RANBP10: variants seen among roughly 807,000 people sequenced by gnomAD.
RANBP10 encodes the protein RAN binding protein 10.
A neutral mutation model predicts 72.8 loss-of-function variants in RANBP10; 24 were observed. The ratio of observed to expected loss-of-function variants is 0.33; its 90% confidence interval spans 0.24 to 0.46. RANBP10 has a LOEUF of 0.46. Among genes scored for constraint, RANBP10 ranks in the 20% least tolerant of loss-of-function variants. The pLI is 1.00. For missense variants in RANBP10, 679 were observed against 817.5 expected, an observed-to-expected ratio of 0.83 and a Z score of 2.07; for synonymous variants, 310 against 322.3, an observed-to-expected ratio of 0.96 and a Z score of 0.41.
At chr16:67,728,978 G>T (rs1271391383) in intron 10 of RANBP10, among the ~76,000 whole-genome samples, 1 of 152,268 alleles carries the variant, frequency 6.6e-6, no homozygotes, top group Non-Finnish European at 1.5e-5. Context: ...GCCAGGGAAA[G>T]CTCCCTCATG....
At chr16:67,754,234 G>A (rs947180278) in intron 3 of RANBP10, among the ~76,000 whole-genome samples, 14 of 152,110 alleles carry the variant, frequency 9.2e-5, no homozygotes, top group African/African-American at 2.7e-4. Flanking sequence ...AGTAGCCAGC[G>A]GCTGAACAAG....
At chr16:67,753,205 TAA>T (rs869120981) in intron 3 of RANBP10, among the ~76,000 whole-genome samples, 19 of 123,612 alleles carry the variant, frequency 1.5e-4, no homozygotes, top group Admixed American at 1.7e-4. Context: ...AATCTCATCT[TAA>T]AAAAAAAAAA....
At chr16:67,737,383 T>C (rs1053111447) in intron 5 of RANBP10, among the ~76,000 whole-genome samples, 2 of 151,806 alleles carry the variant, frequency 1.3e-5, no homozygotes, top group Non-Finnish European at 2.9e-5. Flanking sequence ...TTTGTATTTT[T>C]AGTAGAGACA....
chr16:67,766,981 G>A (rs1272874819), intron 3 of RANBP10, among the ~76,000 whole-genome samples: 1 of 152,204 alleles, frequency 6.6e-6, no homozygotes, highest in Non-Finnish European at 1.5e-5. Flanking sequence ...TGAGGAGTTG[G>A]CAGGCAGAGT....
chr16:67,791,773 A>AAAATGATCCTTG (rs1234872376), intron 2 of RANBP10, among the ~76,000 whole-genome samples: 2 of 152,226 alleles, frequency 1.3e-5, no homozygotes, highest in African/African-American at 4.8e-5. Flanking sequence ...CCTCAGTTAC[A>AAAATGATCCTTG]AAATGATCCT....
chr16:67,748,919 C>A (rs2054143110), intron 3 of RANBP10, among the ~76,000 whole-genome samples: 1 of 152,140 alleles, frequency 6.6e-6, no homozygotes, highest in South Asian at 2.1e-4. Context: ...CTCCTTGGGG[C>A]CTAAGCAGCA....
At position 67,729,547 on chromosome 16, in the gene RANBP10, A is replaced by G; in HGVS notation, c.1148-63T>C. 7.0e-6 allele frequency: 11 copies of G among 1,572,716 alleles called. No homozygotes were observed. Among genetic ancestry groups the G allele is most frequent in the African/African-American group, 1.4e-5 (1 of 73,990 alleles). Reference sequence around the variant, plus strand: ...CTTCCCATGAAATGAAGCCCCAAGAACAACCACAGTGGTCCCATTTCCCTT... The same window carrying G: ...CTTCCCATGAAATGAAGCCCCAAGAGCAACCACAGTGGTCCCATTTCCCTT... On this transcript the variant is annotated intron_variant, in intron 9 of 13. Transcript: ENST00000317506. This position sits in a 1 kb window ranked among gnomAD's most constrained non-coding sequence, Gnocchi z 7.1.
At chr16:67,805,647 G>T in intron 1 of RANBP10, 108 bp from the exon 2 acceptor site, 1 of 874,108 alleles carries the variant, frequency 1.1e-6, no homozygotes, top group Non-Finnish European at 1.8e-6. Flanking sequence ...GTGGCCAGAG[G>T]ACGCACTTAC....
chr16:67,782,397 GATTACAAGTGT>G (rs2054829505), intron 2 of RANBP10, among the ~76,000 whole-genome samples: 1 of 151,966 alleles, frequency 6.6e-6, no homozygotes, highest in Admixed American at 6.6e-5. Flanking sequence ...AAAATGCTTG[GATTACAAGTGT>G]GAGCCACCGT....
Position 67,728,481 on chromosome 16 carries a change from G to A in RANBP10, c.1383C>T (p.His461=), listed in dbSNP as rs1454397849. The change falls in exon 11 of 14, where the codon CAC becomes CAT. Residue 461 remains histidine, a synonymous_variant. Transcript: ENST00000317506. Reference sequence around the variant, plus strand: ...TGCTTCCTAGCACACCGTTGGGGTAGTGCTCTGCCTCCATCTCCATCTCAC... The same window carrying A: ...TGCTTCCTAGCACACCGTTGGGGTAATGCTCTGCCTCCATCTCCATCTCAC... ...SDSEMEMEAE[H]YPNGVLGSMS... The A allele has an allele frequency of 6.2e-7, 1 of 1,614,056 alleles. No homozygotes were observed. Among genetic ancestry groups the A allele is most frequent in the African/African-American group, 1.3e-5 (1 of 74,922 alleles).
At chr16:67,781,384 C>G (rs80155158) in intron 2 of RANBP10, among the ~76,000 whole-genome samples, 7,136 of 152,210 alleles carry the variant, frequency 0.047, 477 homozygotes, top group African/African-American at 0.15. Flanking sequence ...CTGGGTCAGC[C>G]TGGGAGGGAG....
At chr16:67,756,562 G>T (rs2054289140) in intron 3 of RANBP10, among the ~76,000 whole-genome samples, 1 of 152,160 alleles carries the variant, frequency 6.6e-6, no homozygotes, top group African/African-American at 2.4e-5. Context: ...AATTAGCCAG[G>T]TATAGTGGTG....
chr16:67,802,492 G>T (rs1329582877), intron 2 of RANBP10, among the ~76,000 whole-genome samples: 1 of 152,178 alleles, frequency 6.6e-6, no homozygotes, highest in East Asian at 1.9e-4. Flanking sequence ...ACAAAAATTA[G>T]CCAGGCGTGG....
intron 6 of RANBP10, among the ~76,000 whole-genome samples, chr16:67,731,984 C>G (rs1478107971): frequency 6.6e-6 from 1 of 152,218 alleles, no homozygotes; most frequent in East Asian, 1.9e-4. Context: ...GAAACTGCAG[C>G]TAGCCAGGTA....
chr16:67,769,683 T>C (rs530916089), intron 3 of RANBP10, among the ~76,000 whole-genome samples: 6 of 133,630 alleles, frequency 4.5e-5, no homozygotes, highest in African/African-American at 1.4e-4. Context: ...GAGGCAGAGC[T>C]TGCAGTGAGC....
At chr16:67,785,599 A>C (rs897332513) in intron 2 of RANBP10, among the ~76,000 whole-genome samples, 1 of 151,356 alleles carries the variant, frequency 6.6e-6, no homozygotes, top group African/African-American at 2.4e-5. Flanking sequence ...ATGGTGGTCC[A>C]TGCCTGTAAT....
At chr16:67,799,145 A>G (rs1446522798) in intron 2 of RANBP10, among the ~76,000 whole-genome samples, 4 of 152,026 alleles carry the variant, frequency 2.6e-5, no homozygotes, top group African/African-American at 9.7e-5. Context: ...CATGTTGGCC[A>G]GGCTGTTCTC....
chr16:67,790,890 G>A (rs966805050), intron 2 of RANBP10, among the ~76,000 whole-genome samples: 2 of 151,208 alleles, frequency 1.3e-5, no homozygotes, highest in Non-Finnish European at 2.9e-5. Context: ...AGTAGAGACG[G>A]GGTCTCATCA....
intron 3 of RANBP10, among the ~76,000 whole-genome samples, chr16:67,769,746 A>G (rs1316069824): frequency 2.3e-5 from 1 of 43,644 alleles, no homozygotes; most frequent in Non-Finnish European, 3.8e-5. Context: ...ACTCCGTCTC[A>G]AAAAAAAAAA....
Sources: gnomAD v4.1 joint callset for allele counts (sites outside exome capture counted in the v4.1 genomes callset) on GRCh38, gnomAD v4.1.1 for gene constraint, Gnocchi (gnomAD v3.1) non-coding constraint, MANE v1.5 for transcripts, NCBI Gene and HGNC (gene_info 2026-07-23, HGNC 2026-07-21) for gene names.